The following CYB561D1 variants were observed in gnomAD, a reference collection of about 807,000 sequenced individuals.
CYB561D1 encodes the protein cytochrome b561 family member D1, also known as probable transmembrane reductase CYB561D1.
CYB561D1 carries 15 observed loss-of-function variants against 19.2 expected under a neutral mutation model. The ratio of observed to expected loss-of-function variants is 0.78; its 90% CI spans 0.52 to 1.20. The LOEUF is 1.20. CYB561D1 is among the 50% of genes most tolerant of loss of function. The pLI is 0.00. For synonymous variants in CYB561D1, 133 were observed against 120.6 expected, an observed-to-expected ratio of 1.10 and a Z score of -0.68; for missense variants, 297 against 287.3, an observed-to-expected ratio of 1.03 and a Z score of -0.24.
In CYB561D1 at chr1:109,494,220, G is replaced by A; in HGVS notation, c.81G>A (p.Gly27=). 3 of 1,569,380 alleles carry A rather than the reference G, an allele frequency of 1.9e-6. No homozygotes were observed. The highest frequency in any genetic ancestry group is 2.6e-6 in the Non-Finnish European group (3 of 1,157,088). The change falls in exon 1 of 3, where the codon GGG becomes GGA. Residue 27 remains glycine, a synonymous_variant. Transcript: ENST00000420578. ...CCCGCTGGCTGCGGAGAGGCAGTGGGATCTTGGCGCACCTGGTAGCTTTGG... is the reference window on the plus strand; with the variant it reads ...CCCGCTGGCTGCGGAGAGGCAGTGGAATCTTGGCGCACCTGGTAGCTTTGG... The part of the protein sequence containing the change: ...RLTRWLRRGS[G]ILAHLVALGF...
At chr1:109,494,329 G>C in intron 1 of CYB561D1, 42 bp downstream of exon 1, 2 of 1,541,498 alleles carry the variant, frequency 1.3e-6, no homozygotes, top group Non-Finnish European at 1.8e-6. Context: ...GCGGAGTGGA[G>C]ATGCTGGAGG....
Position 109,496,244 on chromosome 1 carries a change from G to A in CYB561D1, c.675G>A (p.Lys225=). The stretch of plus-strand genomic sequence containing the variant: ...TTTCCAGATCCTACTTGCCGAGGAA[G>A]AAAATGGAAATGTGAGTTCCTGCGA... ...HQISRSYLPR[K]KMEM Residue 225 remains lysine (K), a synonymous_variant, in exon 3 of 3, where the codon AAG becomes AAA. Transcript: ENST00000420578. The A allele has an allele frequency of 6.4e-7, 1 of 1,574,524 alleles. No homozygotes were observed. The highest frequency in any genetic ancestry group is 1.1e-5 in the South Asian group (1 of 87,770).
Position 109,496,450 on chromosome 1 carries a change from A to G in CYB561D1, c.*191A>G, listed in dbSNP as rs1657571917. The stretch of plus-strand genomic sequence containing the variant: ...GTCAAAATGGGGAGATGTACTGGGT[A>G]TGAGTGGAAGGTGATGGAGAGCCTG... On this transcript the variant is annotated 3_prime_UTR_variant, in exon 3 of 3. Coordinates refer to ENST00000420578, the MANE Select transcript of CYB561D1 (RefSeq NM_182580.3). The G allele has an allele frequency of 5.2e-6, 3 of 575,306 alleles. No homozygotes were observed. The highest frequency in any genetic ancestry group is 8.6e-6 in the Non-Finnish European group (3 of 348,180). The allele number at this position is 575,306 out of a possible 1,614,324, so 35.6% of individuals were successfully genotyped here.
chr1:109,500,299 C>T lies in CYB561D1; in HGVS notation c.*4040C>T, dbSNP rs1199699468. ...CCTGCAGTATGGGTTTACTCCGTCC[C>T]TATCACTGGTGTGGCTGTGGGCAAA... On this transcript the variant is annotated 3_prime_UTR_variant, in exon 3 of 3. Transcript: ENST00000420578. 6.6e-6 allele frequency: 1 copy of T among 152,256 alleles called. No individual in the cohort carries two copies. Among genetic ancestry groups the T allele is most frequent in the Admixed American group, 6.5e-5 (1 of 15,280 alleles). The allele number at this position is 152,256 out of a possible 1,614,324, so 9.4% of individuals were successfully genotyped here.
At chr1:109,495,081 A>C (rs1165381969) in intron 1 of CYB561D1, 62 bp from the exon 2 acceptor site, 42 of 1,583,330 alleles carry the variant, frequency 2.7e-5, no homozygotes, top group Non-Finnish European at 8.7e-6. Flanking sequence ...TTTGGGTTCC[A>C]CCTAGCTACA....
intron 2 of CYB561D1, 59 bp from the exon 3 acceptor site, chr1:109,495,697 C>CT: frequency 6.2e-7 from 1 of 1,613,886 alleles, no homozygotes; most frequent in Non-Finnish European, 8.5e-7. Context: ...AGAGCACCTC[C>CT]TTTTTCTCAG....
In CYB561D1 at chr1:109,496,326, TAAGGG is replaced by T; in HGVS notation, c.*69_*73del. 6.7e-7 allele frequency: 1 copy of T among 1,501,228 alleles called. No individual in the cohort carries two copies. The highest frequency in any genetic ancestry group is 1.3e-5 in the South Asian group (1 of 74,332). 93.0% of individuals were successfully genotyped at this position (1,501,228 alleles called of 1,614,324 possible). A position where few individuals can be genotyped will look rare whatever the true frequency, so the allele number is the denominator to read the frequency against. ...ACATCATGGTTCCTTTGGTGATCTA[TAAGGG>T]ATCTATTTAAGAAGTGGTCAGGTTT... On this transcript the variant is annotated 3_prime_UTR_variant, in exon 3 of 3. Transcript: ENST00000420578.
At chr1:109,495,462 C>T (rs1475825459) in intron 2 of CYB561D1, among the ~76,000 whole-genome samples, 1 of 152,170 alleles carries the variant, frequency 6.6e-6, no homozygotes, top group African/African-American at 2.4e-5. Context: ...GGTCATCTCC[C>T]GACTTGTCCC....
In CYB561D1 at chr1:109,497,836, G is replaced by A. The variant is rs186135695; in HGVS notation, c.*1577G>A. 6 of 73,046 alleles carry A rather than the reference G, an allele frequency of 8.2e-5. No homozygotes were observed. The highest frequency in any genetic ancestry group is 1.9e-4 in the Non-Finnish European group (6 of 32,064). The allele number at this position is 73,046 out of a possible 1,614,324, so 4.5% of individuals were successfully genotyped here. A position where few individuals can be genotyped will look rare whatever the true frequency, so the allele number is the denominator to read the frequency against. On this transcript the variant is annotated 3_prime_UTR_variant, in exon 3 of 3. Transcript: ENST00000420578. ...GGTTGGTTTGATTCAATAGTATGGG[G>A]ACAGAATGGGGACAGCAAGGGCAGA...
intron 1 of CYB561D1, chr1:109,494,764 G>C: frequency 2.4e-6 from 1 of 424,720 alleles, no homozygotes. Context: ...TTGAACCCGG[G>C]AGGTGGAGGC....
At position 109,494,993 on chromosome 1, in the gene CYB561D1, C is replaced by G. The variant is rs990636388; in HGVS notation, c.149-150C>G. On this transcript the variant is annotated intron_variant, in intron 1 of 2. Coordinates refer to ENST00000420578, the MANE Select transcript of CYB561D1 (RefSeq NM_182580.3). ...CTCTTGGTTGCTCACCCTGGGGCTC[C>G]TTGGCTGCTCCACTTTGTCCTTAGT... 5.3e-6 allele frequency: 5 copies of G among 939,804 alleles called. No individual in the cohort carries two copies. In the African/African-American group the frequency reaches 8.2e-5, roughly 16 times the overall value. 58.2% of individuals were successfully genotyped at this position (939,804 alleles called of 1,614,324 possible).
At position 109,496,488 on chromosome 1, in the gene CYB561D1, C is replaced by T. The variant is rs1657574496; in HGVS notation, c.*229C>T. The T allele has an allele frequency of 2.5e-6, 1 of 396,990 alleles. No individual in the cohort carries two copies. The highest frequency in any genetic ancestry group is 4.4e-6 in the Non-Finnish European group (1 of 226,690). The allele number at this position is 396,990 out of a possible 1,614,324, so 24.6% of individuals were successfully genotyped here. On this transcript the variant is annotated 3_prime_UTR_variant, in exon 3 of 3. Coordinates refer to ENST00000420578, the MANE Select transcript of CYB561D1 (RefSeq NM_182580.3). ...GATGGAGAGCCTGATCCTGAAGCCT[C>T]TACTTGATGAGAGACAGAGTTTTGG...
At position 109,496,606 on chromosome 1, in the gene CYB561D1, T is replaced by A. The variant is rs1164518436; in HGVS notation, c.*347T>A. On this transcript the variant is annotated 3_prime_UTR_variant, in exon 3 of 3. Coordinates refer to ENST00000420578, the MANE Select transcript of CYB561D1 (RefSeq NM_182580.3). Reference sequence around the variant, plus strand: ...AGTTATGAATGGCATCCAGGGATATTTGGGTTACTTTTAAGAAAGCAGTGT... The same window carrying A: ...AGTTATGAATGGCATCCAGGGATATATGGGTTACTTTTAAGAAAGCAGTGT... 1 of 196,394 alleles carries A rather than the reference T, an allele frequency of 5.1e-6. No homozygotes were observed. The highest frequency in any genetic ancestry group is 2.3e-5 in the African/African-American group (1 of 42,692). 12.2% of individuals were successfully genotyped at this position (196,394 alleles called of 1,614,324 possible). A position where few individuals can be genotyped will look rare whatever the true frequency, so the allele number is the denominator to read the frequency against.
rs1476456376 is a variant in CYB561D1, at chr1:109,496,170, C to A, written c.601C>A (p.Leu201Met). 4.3e-6 allele frequency: 7 copies of A among 1,612,602 alleles called. No homozygotes were observed. The highest frequency in any genetic ancestry group is 5.9e-6 in the Non-Finnish European group (7 of 1,178,694). The change falls in exon 3 of 3, where the codon CTG becomes ATG. Residue 201 changes from leucine (L) to methionine (M), a missense_variant. By Grantham distance (15) the Leu-to-Met change is conservative. Coordinates refer to ENST00000420578, the MANE Select transcript of CYB561D1 (RefSeq NM_182580.3). ...QAQIKGAAWY[L>M]CLALPVYPAL... is the part of the protein sequence containing the mutation. ...CCAGATCAAAGGTGCGGCCTGGTAC[C>A]TGTGCCTGGCACTGCCCGTCTATCC...
Position 109,496,091 on chromosome 1 carries a change from C to T in CYB561D1, c.522C>T (p.Tyr174=). The T allele has an allele frequency of 6.2e-7, 1 of 1,614,184 alleles. No homozygotes were observed. The highest frequency in any genetic ancestry group is 8.5e-7 in the Non-Finnish European group (1 of 1,180,018). Residue 174 remains tyrosine (Y), a synonymous_variant, in exon 3 of 3, where the codon TAC becomes TAT. Coordinates refer to ENST00000420578, the MANE Select transcript of CYB561D1 (RefSeq NM_182580.3). ...ATCTGACATGTGGACTGGTGGTCTA[C>T]CTGATGGCTACAGTAACGGTGCTTC... The part of the protein sequence containing the change: ...LYHLTCGLVV[Y]LMATVTVLLG...
chr1:109,496,374 T>C lies in CYB561D1; in HGVS notation c.*115T>C. ...TCAGGTTTTCGCACTTCTTGGCTGG[T>C]CCAGGGACTGCAGAAACCAAAGCTG... On this transcript the variant is annotated 3_prime_UTR_variant, in exon 3 of 3. Transcript: ENST00000420578. 8.0e-7 allele frequency: 1 copy of C among 1,247,260 alleles called. No homozygotes were observed. The highest frequency in any genetic ancestry group is 1.1e-6 in the Non-Finnish European group (1 of 912,230). The allele number at this position is 1,247,260 out of a possible 1,614,324, so 77.3% of individuals were successfully genotyped here. A position where few individuals can be genotyped will look rare whatever the true frequency, so the allele number is the denominator to read the frequency against.
Position 109,496,160 on chromosome 1 carries a change from G to A in CYB561D1, c.591G>A (p.Ala197=), listed in dbSNP as rs756902893. 64 of 1,613,546 alleles carry A rather than the reference G, an allele frequency of 4.0e-5. No individual in the cohort carries two copies. Among genetic ancestry groups the A allele is most frequent in the African/African-American group, 3.5e-4 (26 of 74,930 alleles). ...SVWFQAQIKG[A]AWYLCLALPV... ...GGTTCCAGGCCCAGATCAAAGGTGC[G>A]GCCTGGTACCTGTGCCTGGCACTGC... Residue 197 remains alanine (A), a synonymous_variant, in exon 3 of 3, where the codon GCG becomes GCA. Coordinates refer to ENST00000420578, the MANE Select transcript of CYB561D1 (RefSeq NM_182580.3).
chr1:109,499,734 G>A lies in CYB561D1; in HGVS notation c.*3475G>A, dbSNP rs1199635524. Reference sequence around the variant, plus strand: ...TGGCCGCTGTGCTAAAGCCTGTTCAGAGTTAATAATAATCATTAGCTGAAT... The same window carrying A: ...TGGCCGCTGTGCTAAAGCCTGTTCAAAGTTAATAATAATCATTAGCTGAAT... On this transcript the variant is annotated 3_prime_UTR_variant, in exon 3 of 3. Coordinates refer to ENST00000420578, the MANE Select transcript of CYB561D1 (RefSeq NM_182580.3). The A allele has an allele frequency of 6.6e-6, 1 of 152,210 alleles. No individual in the cohort carries two copies. Among genetic ancestry groups the A allele is most frequent in the Non-Finnish European group, 1.5e-5 (1 of 68,054 alleles). 9.4% of individuals were successfully genotyped at this position (152,210 alleles called of 1,614,324 possible). A position where few individuals can be genotyped will look rare whatever the true frequency, so the allele number is the denominator to read the frequency against.
rs1007931767 is a variant in CYB561D1, at chr1:109,499,262, C to G, written c.*3003C>G. 1 of 152,556 alleles carries G rather than the reference C, an allele frequency of 6.6e-6. No homozygotes were observed. Among genetic ancestry groups the G allele is most frequent in the African/African-American group, 2.4e-5 (1 of 41,456 alleles). The allele number at this position is 152,556 out of a possible 1,614,324, so 9.5% of individuals were successfully genotyped here. On this transcript the variant is annotated 3_prime_UTR_variant, in exon 3 of 3. Transcript: ENST00000420578. ...AGCCTGGGCCTCCTCTCTCCCCACCCTTTCACAAGGCAGGCTGCCCTTCCG... is the reference window on the plus strand; with the variant it reads ...AGCCTGGGCCTCCTCTCTCCCCACCGTTTCACAAGGCAGGCTGCCCTTCCG...
Sources: allele counts gnomAD v4.1 joint callset (sites outside exome capture counted in the v4.1 genomes callset), GRCh38; gene constraint gnomAD v4.1.1; transcripts MANE v1.5; gene names NCBI Gene and HGNC (gene_info 2026-07-23, HGNC 2026-07-21).